CSMD1: variants seen among roughly 807,000 people sequenced by gnomAD.
CSMD1 encodes CUB and Sushi multiple domains 1, also known as CUB and sushi domain-containing protein 1.
A neutral mutation model predicts 417.5 loss-of-function variants in CSMD1; 213 were observed. The ratio of observed to expected loss-of-function variants is 0.51; its 90% CI spans 0.46 to 0.57. CSMD1 has a LOEUF of 0.57. Among genes scored for constraint, CSMD1 ranks in the 20% least tolerant of loss-of-function variants. CSMD1 has a pLI of 0.00. For missense variants in CSMD1, 6,923 were observed against 4,529.7 expected (o/e 1.53, Z -15.17); for synonymous variants, 2,862 against 1,736.8 (o/e 1.65, Z -16.11).
At chr8:3,855,675 A>C (rs923423900) in intron 5 of CSMD1, among the ~76,000 whole-genome samples, 1 of 152,140 alleles carries the variant, frequency 6.6e-6, no homozygotes, top group African/African-American at 2.4e-5. Context: ...ATTAATCATA[A>C]CTGTTATTTA....
At chr8:4,993,093 C>T (rs939324250) in intron 1 of CSMD1, among the ~76,000 whole-genome samples, 3 of 152,152 alleles carry the variant, frequency 2.0e-5, no homozygotes, top group Non-Finnish European at 2.9e-5. Context: ...CCCTGCCAAT[C>T]ACTCTTCCAT....
chr8:4,151,710 C>T (rs987596094), intron 3 of CSMD1, among the ~76,000 whole-genome samples: 4 of 151,952 alleles, frequency 2.6e-5, no homozygotes, highest in East Asian at 1.9e-4. Flanking sequence ...CAAGCTCACA[C>T]AGATAAATTA....
At chr8:4,189,782 G>C (rs937852359) in intron 3 of CSMD1, among the ~76,000 whole-genome samples, 3 of 152,044 alleles carry the variant, frequency 2.0e-5, no homozygotes, top group African/African-American at 4.8e-5. Flanking sequence ...GCACACAAAG[G>C]ATAATTTTAT....
chr8:3,943,328 G>C (rs1418580684), intron 5 of CSMD1, among the ~76,000 whole-genome samples: 1 of 148,670 alleles, frequency 6.7e-6, no homozygotes, highest in Non-Finnish European at 1.5e-5. Context: ...GAAGAGTGAA[G>C]TATTCTTGTA....
At chr8:3,963,415 G>C (rs374076264) in intron 5 of CSMD1, among the ~76,000 whole-genome samples, 3 of 152,216 alleles carry the variant, frequency 2.0e-5, no homozygotes, top group African/African-American at 7.2e-5. Flanking sequence ...TTCCTAAGTA[G>C]CTTGAAAATA....
chr8:3,273,048 G>A (rs932407696), intron 26 of CSMD1, among the ~76,000 whole-genome samples: 3 of 152,010 alleles, frequency 2.0e-5, no homozygotes, highest in African/African-American at 4.8e-5. Flanking sequence ...TGCCCATTCG[G>A]TATGATATTG....
chr8:4,927,798 G>C (rs184408132), intron 1 of CSMD1, among the ~76,000 whole-genome samples: 24 of 152,124 alleles, frequency 1.6e-4, no homozygotes, highest in African/African-American at 4.6e-4. Flanking sequence ...TTCCAACTTG[G>C]CTCCTCTCCT....
At chr8:3,298,608 C>G (rs115158601) in intron 25 of CSMD1, among the ~76,000 whole-genome samples, 3,587 of 152,248 alleles carry the variant, frequency 0.024, 127 homozygotes, top group African/African-American at 0.081. Context: ...CGTGTGCCAA[C>G]ACAACTTGCT....
At chr8:3,397,602 C>T (rs533968821) in intron 16 of CSMD1, among the ~76,000 whole-genome samples, 1 of 152,310 alleles carries the variant, frequency 6.6e-6, no homozygotes, top group East Asian at 1.9e-4. Flanking sequence ...TGACACTATT[C>T]TAAATCTTTT....
At chr8:3,431,303 A>C (rs940320680) in intron 12 of CSMD1, among the ~76,000 whole-genome samples, 2 of 151,960 alleles carry the variant, frequency 1.3e-5, no homozygotes, top group Non-Finnish European at 2.9e-5. Context: ...ATCTTGTCTA[A>C]CCCTGCATAC....
rs1280039870 is a variant in CSMD1 at position 3,507,163 on chromosome 8, G to C, written c.1345-13437C>G. Among the ~76,000 whole-genome samples the C allele has an allele frequency of 6.6e-5, 10 of 152,160 alleles. No individual in the cohort carries two copies. The East Asian group carries it at 1.7e-3, about 26-fold the overall frequency. ...ACATAGTGGAAAAGTGGTGATTTAAGTGGTTTAGAGGGGAACTCAATTGTG... is the reference window on the plus strand; with the variant it reads ...ACATAGTGGAAAAGTGGTGATTTAACTGGTTTAGAGGGGAACTCAATTGTG... On this transcript the variant is annotated intron_variant, in intron 10 of 69. Transcript: ENST00000635120.
At chr8:3,485,747 G>C (rs1031515207) in intron 11 of CSMD1, among the ~76,000 whole-genome samples, 2 of 144,810 alleles carry the variant, frequency 1.4e-5, no homozygotes, top group African/African-American at 5.2e-5. Flanking sequence ...GTGACAGAGC[G>C]AGACTCAGCC....
At chr8:4,413,469 G>C (rs1228897253) in intron 3 of CSMD1, among the ~76,000 whole-genome samples, 1 of 152,150 alleles carries the variant, frequency 6.6e-6, no homozygotes, top group East Asian at 1.9e-4. Context: ...TTGTCTTAAA[G>C]CTGTACTTTC....
At chr8:3,585,279 C>T (rs955816331) in intron 9 of CSMD1, among the ~76,000 whole-genome samples, 6 of 152,090 alleles carry the variant, frequency 3.9e-5, no homozygotes, top group African/African-American at 1.4e-4. Flanking sequence ...AACTAAAATG[C>T]TTAAAAGTTT....
intron 1 of CSMD1, among the ~76,000 whole-genome samples, chr8:4,715,872 A>C (rs1446624554): frequency 6.6e-6 from 1 of 152,138 alleles, no homozygotes; most frequent in Non-Finnish European, 1.5e-5. Flanking sequence ...TTGCCTCCTA[A>C]AGGGTCCTTG....
intron 5 of CSMD1, among the ~76,000 whole-genome samples, chr8:3,996,843 G>C (rs1310011489): frequency 6.6e-6 from 1 of 152,172 alleles, no homozygotes; most frequent in Non-Finnish European, 1.5e-5. Context: ...TGAGCCTTGT[G>C]ATTTGGAAAA....
chr8:4,540,017 C>A (rs908343475), intron 2 of CSMD1, among the ~76,000 whole-genome samples: 1 of 152,148 alleles, frequency 6.6e-6, no homozygotes, highest in Non-Finnish European at 1.5e-5. Context: ...GCCCTCTTCC[C>A]CTCCTCACTC....
At chr8:3,024,153 G>A (rs1422495999) in intron 51 of CSMD1, among the ~76,000 whole-genome samples, 2 of 152,064 alleles carry the variant, frequency 1.3e-5, no homozygotes, top group African/African-American at 4.8e-5. Flanking sequence ...GTGTGTATGT[G>A]TGTGCAAAGT....
chr8:3,178,517 G>C (rs1563114686), intron 37 of CSMD1, among the ~76,000 whole-genome samples: 1 of 152,076 alleles, frequency 6.6e-6, no homozygotes, highest in South Asian at 2.1e-4. Flanking sequence ...TCAGTAAATG[G>C]TATTCGTAAT....
Sources: gnomAD v4.1 joint callset for allele counts (sites outside exome capture counted in the v4.1 genomes callset) on GRCh38, gnomAD v4.1.1 for gene constraint, MANE v1.5 for transcripts, NCBI Gene and HGNC (gene_info 2026-07-23, HGNC 2026-07-21) for gene names.